Variants in ACOT9 observed in about 807,000 individuals in gnomAD.
ACOT9 encodes acyl-CoA thioesterase 9.
In ACOT9, 34 loss-of-function variants were observed where a neutral mutation model predicts 39.7. That is an observed-to-expected ratio of 0.86 (90% CI 0.65 to 1.14). The LOEUF is 1.14. Among genes scored for constraint, ACOT9 ranks in the 50% most tolerant of loss-of-function variants. The pLI is 0.00. For synonymous variants in ACOT9, 110 were observed against 120.5 expected (o/e 0.91, Z 0.57); for missense variants, 313 against 344.1 (o/e 0.91, Z 0.71).
intron 15 of ACOT9, 63 bp from the exon 16 acceptor site, chrX:23,704,045 C>T (rs1402230569): frequency 2.1e-6 from 2 of 937,838 alleles, no homozygotes; most frequent in East Asian, 3.1e-5. Flanking sequence ...ATCATATCAT[C>T]ATACAAACAC....
chrX:23,713,018 A>G, intron 9 of ACOT9, 117 bp downstream of exon 9: 2 of 554,819 alleles, frequency 3.6e-6, no homozygotes, highest in Non-Finnish European at 5.7e-6. Context: ...AAGAAATTGC[A>G]ATTAAAACTG....
chrX:23,739,609 T>C (rs1344865173), intron 1 of ACOT9, among the ~76,000 whole-genome samples: 1 of 110,981 alleles, frequency 9.0e-6, no homozygotes, highest in African/African-American at 3.3e-5. Context: ...GTGGGCAACA[T>C]AGGGAGATCC....
At chrX:23,718,260 C>T (rs979236756) in intron 8 of ACOT9, among the ~76,000 whole-genome samples, 2 of 111,304 alleles carry the variant, frequency 1.8e-5, no homozygotes, top group African/African-American at 6.5e-5. Context: ...AGTGGTTTAT[C>T]CACAGCCACA....
At chrX:23,737,545 T>TC (rs768270116) in intron 1 of ACOT9, among the ~76,000 whole-genome samples, 67 of 112,440 alleles carry the variant, frequency 6.0e-4, no homozygotes, top group African/African-American at 2.1e-3. Flanking sequence ...CAGTATTCTG[T>TC]AAAATCTACA....
rs1004029615 is a variant in ACOT9 at position 23,701,577 on chromosome X, G to A, written c.*2317C>T. 1.8e-5 allele frequency among the ~76,000 whole-genome samples: 2 copies of A among 111,211 alleles called. No homozygotes were observed. Among genetic ancestry groups the A allele is most frequent in the Admixed American group, 9.5e-5 (1 of 10,478 alleles). On this transcript the variant is annotated 3_prime_UTR_variant, in exon 16 of 16. Transcript: ENST00000379303. ...TGCAGACTCAAACTCCTGGACTCAA[G>A]CAATCCACTCACCTCAGCCTCCTAA...
rs1928472504 is a variant in ACOT9 at position 23,701,133 on chromosome X, A to G, written c.*2761T>C. On this transcript the variant is annotated 3_prime_UTR_variant, in exon 16 of 16. Coordinates refer to ENST00000379303, the MANE Select transcript of ACOT9 (RefSeq NM_001037171.2). Reference sequence around the variant, plus strand: ...AATACTAGAAAAAGCTTCACTGTACAGCAACAAATGGTTAAATATATAATG... The same window carrying G: ...AATACTAGAAAAAGCTTCACTGTACGGCAACAAATGGTTAAATATATAATG... 1.8e-5 allele frequency among the ~76,000 whole-genome samples: 2 copies of G among 112,351 alleles called. No individual in the cohort carries two copies. Among genetic ancestry groups the G allele is most frequent in the South Asian group, 7.3e-4 (2 of 2,747 alleles).
At position 23,702,898 on chromosome X, in the gene ACOT9, A is replaced by G. The variant is rs914812636; in HGVS notation, c.*996T>C. The G allele has an allele frequency of 8.9e-6, 1 of 112,175 alleles. No individual in the cohort carries two copies. Among genetic ancestry groups the G allele is most frequent in the Non-Finnish European group, 1.9e-5 (1 of 53,263 alleles). 9.2% of individuals were successfully genotyped at this position (112,175 alleles called of 1,213,427 possible). A position where few individuals can be genotyped will look rare whatever the true frequency, so the allele number is the denominator to read the frequency against. ...ATGGCAATGCTCCATAAGCATAAGCAGCTATTATTATTGTGGTTCCTATTT... is the reference window on the plus strand; with the variant it reads ...ATGGCAATGCTCCATAAGCATAAGCGGCTATTATTATTGTGGTTCCTATTT... On this transcript the variant is annotated 3_prime_UTR_variant, in exon 16 of 16. Transcript: ENST00000379303.
At chrX:23,718,662 T>G (rs967779296) in intron 8 of ACOT9, among the ~76,000 whole-genome samples, 4 of 110,425 alleles carry the variant, frequency 3.6e-5, no homozygotes, top group Non-Finnish European at 5.7e-5. Flanking sequence ...TCCCAGCACT[T>G]TGGGAGGCCG....
Position 23,721,943 on chromosome X carries a change from ACTT to A in ACOT9, c.523_525del (p.Lys175del). The A allele has an allele frequency of 8.3e-7, 1 of 1,211,149 alleles. No individual in the cohort carries two copies. The highest frequency in any genetic ancestry group is 1.8e-5 in the South Asian group (1 of 56,925). Reference sequence around the variant, plus strand: ...CCGACCCAGCTAACATGGCCACTGAACTTAATGTCCTGTTCTGGGCTCAAGCTC... The same window carrying A: ...CCGACCCAGCTAACATGGCCACTGAAAATGTCCTGTTCTGGGCTCAAGCTC... On this transcript the variant is annotated inframe_deletion, in exon 8 of 16. Coordinates refer to ENST00000379303, the MANE Select transcript of ACOT9 (RefSeq NM_001037171.2).
chrX:23,725,437 C>T (rs755198708), intron 6 of ACOT9, among the ~76,000 whole-genome samples: 1 of 96,104 alleles, frequency 1.0e-5, no homozygotes, highest in South Asian at 5.2e-4. Context: ...TGCCACTGCA[C>T]TCCAGTCTAG....
In ACOT9 at chrX:23,703,644, A is replaced by T. The variant is rs373915620; in HGVS notation, c.*250T>A. On this transcript the variant is annotated 3_prime_UTR_variant, in exon 16 of 16. Transcript: ENST00000379303. The stretch of plus-strand genomic sequence containing the variant: ...CTCAATTTTTTTGTTTTTTCAGAAG[A>T]TGGGAGGCAACATGGTAGGTTCACA... 2.1e-4 allele frequency: 57 copies of T among 265,164 alleles called. No individual in the cohort carries two copies. The South Asian group carries it at 3.6e-3, about 17-fold the overall frequency. The allele number at this position is 265,164 out of a possible 1,213,427, so 21.9% of individuals were successfully genotyped here. A position where few individuals can be genotyped will look rare whatever the true frequency, so the allele number is the denominator to read the frequency against.
At chrX:23,730,348 C>T (rs1929690165) in intron 6 of ACOT9, among the ~76,000 whole-genome samples, 179 bp downstream of exon 6, 1 of 111,079 alleles carries the variant, frequency 9.0e-6, no homozygotes, top group Admixed American at 9.7e-5. Flanking sequence ...CCGCCTCAGC[C>T]TCCCAAAGTG....
intron 9 of ACOT9, among the ~76,000 whole-genome samples, chrX:23,708,538 G>GAAAAAAAAAAAAAAAAAAAAAA (rs567506307): frequency 1.4e-5 from 1 of 70,854 alleles, no homozygotes. Context: ...CTCAAAAAAA[G>GAAAAAAAAAAAAAAAAAAAAAA]AAAAAAAAAA....
intron 1 of ACOT9, among the ~76,000 whole-genome samples, chrX:23,742,107 T>C (rs928417257): frequency 1.1e-4 from 12 of 110,770 alleles, no homozygotes; most frequent in African/African-American, 4.0e-4. Context: ...TGACTTTCAG[T>C]CTGCCTTCAA....
intron 9 of ACOT9, among the ~76,000 whole-genome samples, chrX:23,711,172 A>C (rs768840405): frequency 3.7e-5 from 4 of 109,558 alleles, no homozygotes; most frequent in African/African-American, 1.3e-4. Flanking sequence ...TACAAAACAA[A>C]TTAGCCAAGC....
chrX:23,739,594 C>T (rs145956011), intron 1 of ACOT9, among the ~76,000 whole-genome samples: 288 of 111,252 alleles, frequency 2.6e-3, no homozygotes, highest in African/African-American at 8.8e-3. Context: ...TCACTTGAGA[C>T]CAGTGTGGGC....
At position 23,742,410 on chromosome X, in the gene ACOT9, A is replaced by G. The variant is rs773145364; in HGVS notation, c.20+715T>C. Among the ~76,000 whole-genome samples, 52 of 111,006 alleles carry G rather than the reference A, an allele frequency of 4.7e-4. 1 individual carries two copies. Among genetic ancestry groups the G allele is most frequent in the Non-Finnish European group, 8.3e-4 (44 of 52,978 alleles). Reference sequence around the variant, plus strand: ...ATGCAGCCAGGCAGAAAACTTGGAAAGGGTGGCATGCTCGGGTGAAAGGGA... The same window carrying G: ...ATGCAGCCAGGCAGAAAACTTGGAAGGGGTGGCATGCTCGGGTGAAAGGGA... On this transcript the variant is annotated intron_variant, in intron 1 of 15. Coordinates refer to ENST00000379303, the MANE Select transcript of ACOT9 (RefSeq NM_001037171.2).
chrX:23,720,612 G>C (rs867569680), intron 8 of ACOT9, among the ~76,000 whole-genome samples: 4 of 111,740 alleles, frequency 3.6e-5, no homozygotes, highest in Middle Eastern at 4.6e-3. Flanking sequence ...CCAGAAGCAA[G>C]AAACAGACAA....
intron 9 of ACOT9, 106 bp from the exon 10 acceptor site, chrX:23,708,050 G>T (rs1184463867): frequency 1.4e-6 from 1 of 716,268 alleles, no homozygotes; most frequent in South Asian, 3.1e-5. Flanking sequence ...TTTTCATTTT[G>T]GGTAGTGCTT....
Sources: gnomAD v4.1 joint callset for allele counts (sites outside exome capture counted in the v4.1 genomes callset) on GRCh38, gnomAD v4.1.1 for gene constraint, MANE v1.5 for transcripts, NCBI Gene and HGNC (gene_info 2026-07-23, HGNC 2026-07-21) for gene names.